Variants in KCNQ1 observed in about 807,000 individuals in gnomAD.
The protein encoded by KCNQ1 is potassium voltage-gated channel subfamily Q member 1, also known as potassium voltage-gated channel subfamily KQT member 1.
In KCNQ1, 49 loss-of-function variants were observed where a neutral mutation model predicts 72.4. The observed-to-expected ratio is 0.68, with a 90% CI of 0.54 to 0.86. The LOEUF (loss-of-function observed/expected upper bound fraction) is 0.86, where lower values mean the gene tolerates loss of function less well. Among genes scored for constraint, KCNQ1 ranks in the 40% least tolerant of loss-of-function variants. KCNQ1 has a pLI of 0.00. For missense variants in KCNQ1, 790 were observed against 945.1 expected (o/e 0.84, Z 2.15); for synonymous variants, 450 against 412.6 (o/e 1.09, Z -1.10).
rs920145316 is a variant in KCNQ1, at chr11:2,735,048, G to A, written c.1515-33796G>A. Reference sequence around the variant, plus strand: ...GGGCACACTAACAAGAGGCACATGTGCCAGGGAAGCCCTGCCTTGTCATCA... The same window carrying A: ...GGGCACACTAACAAGAGGCACATGTACCAGGGAAGCCCTGCCTTGTCATCA... On this transcript the variant is annotated intron_variant, in intron 11 of 15. Transcript: ENST00000155840. This position sits in a 1 kb window ranked among gnomAD's most constrained non-coding sequence, Gnocchi z 7.7. 1.3e-5 allele frequency among the ~76,000 whole-genome samples: 2 copies of A among 152,138 alleles called. No homozygotes were observed. Among genetic ancestry groups the A allele is most frequent in the Non-Finnish European group, 2.9e-5 (2 of 68,004 alleles).
At chr11:2,812,602 C>G (rs945254491) in intron 15 of KCNQ1, among the ~76,000 whole-genome samples, 1 of 152,208 alleles carries the variant, frequency 6.6e-6, no homozygotes, top group Middle Eastern at 3.2e-3. Flanking sequence ...TCCCGGCTTT[C>G]TCTCTCCCCC....
chr11:2,707,922 G>T (rs1397425943), intron 11 of KCNQ1, among the ~76,000 whole-genome samples: 1 of 152,210 alleles, frequency 6.6e-6, no homozygotes, highest in Non-Finnish European at 1.5e-5. Flanking sequence ...CCCACATTTG[G>T]CTTCTTGAGC....
rs1032095856 is a variant in KCNQ1, at chr11:2,703,663, G to A, written c.1514+41582G>A. Reference sequence around the variant, plus strand: ...AAGTGCAGATGGGGCCCAGAGCCCCGGCGGTGTCCCAGGGGAAACACCAGT... The same window carrying A: ...AAGTGCAGATGGGGCCCAGAGCCCCAGCGGTGTCCCAGGGGAAACACCAGT... On this transcript the variant is annotated intron_variant, in intron 11 of 15. Coordinates refer to ENST00000155840, the MANE Select transcript of KCNQ1 (RefSeq NM_000218.3). This position sits in a 1 kb window ranked among gnomAD's most constrained non-coding sequence, Gnocchi z 6.4. Among the ~76,000 whole-genome samples the A allele has an allele frequency of 1.6e-4, 24 of 152,120 alleles. No individual in the cohort carries two copies. Among genetic ancestry groups the A allele is most frequent in the African/African-American group, 5.6e-4 (23 of 41,420 alleles).
chr11:2,630,462 G>A (rs1229271689), intron 10 of KCNQ1: 2 of 398,072 alleles, frequency 5.0e-6, no homozygotes, highest in African/African-American at 2.1e-5. Context: ...TGTTTGGGGG[G>A]AATATTTTGA....
intron 11 of KCNQ1, chr11:2,693,319 C>T (rs1188829693): frequency 5.0e-6 from 2 of 398,656 alleles, no homozygotes; most frequent in Non-Finnish European, 8.8e-6. Context: ...GGCCTGGGCC[C>T]TCTCTCCCTG....
intron 11 of KCNQ1, among the ~76,000 whole-genome samples, chr11:2,722,165 G>A (rs577715197): frequency 6.6e-6 from 1 of 152,286 alleles, no homozygotes; most frequent in Admixed American, 6.5e-5. Context: ...CCTGAGCTTG[G>A]TGAGTCAGGG....
intron 10 of KCNQ1, chr11:2,609,716 T>A (rs1848947185): frequency 2.5e-6 from 1 of 398,388 alleles, no homozygotes; most frequent in Non-Finnish European, 4.4e-6. Flanking sequence ...GTTAGGTGAA[T>A]ATATGTTTAT....
chr11:2,811,074 C>G (rs1176712117), intron 15 of KCNQ1, among the ~76,000 whole-genome samples: 1 of 152,208 alleles, frequency 6.6e-6, no homozygotes, highest in Non-Finnish European at 1.5e-5. Flanking sequence ...ACAGCCCCGG[C>G]GAGACCCGGG....
chr11:2,685,347 T>G, intron 11 of KCNQ1: 1 of 398,582 alleles, frequency 2.5e-6, no homozygotes, highest in Non-Finnish European at 4.4e-6. Flanking sequence ...TCATGGAGGG[T>G]ACATGGGCAG....
At position 2,515,844 on chromosome 11, in the gene KCNQ1, G is replaced by T. The variant is rs1211814530; in HGVS notation, c.387-12084G>T. Among the ~76,000 whole-genome samples the T allele has an allele frequency of 1.3e-5, 2 of 152,002 alleles. No individual in the cohort carries two copies. The highest frequency in any genetic ancestry group is 2.9e-5 in the Non-Finnish European group (2 of 67,982). On this transcript the variant is annotated intron_variant, in intron 1 of 15. Transcript: ENST00000155840. The surrounding 1 kb of genome is among the most constrained non-coding windows in gnomAD (Gnocchi z 4.7). ...GCCCTGGGGGGCTTGTGCTCTGCCG[G>T]GCCACCTGCACCCTCCGGGCCCCAG...
Position 2,526,259 on chromosome 11 carries a change from A to G in KCNQ1, c.387-1669A>G, listed in dbSNP as rs1847503874. Among the ~76,000 whole-genome samples, 1 of 151,930 alleles carries G rather than the reference A, an allele frequency of 6.6e-6. No individual in the cohort carries two copies. Among genetic ancestry groups the G allele is most frequent in the Admixed American group, 6.6e-5 (1 of 15,250 alleles). The stretch of plus-strand genomic sequence containing the variant: ...GGGGGCGCCGAGGGTGGAGGTGGGC[A>G]CTGTGGTCAGGGGGAGATGAGGATG... On this transcript the variant is annotated intron_variant, in intron 1 of 15. Transcript: ENST00000155840. The surrounding 1 kb of genome is among the most constrained non-coding windows in gnomAD (Gnocchi z 6.1).
Position 2,735,201 on chromosome 11 carries a change from AG to A in KCNQ1, c.1515-33638del, listed in dbSNP as rs969519610. On this transcript the variant is annotated intron_variant, in intron 11 of 15. Coordinates refer to ENST00000155840, the MANE Select transcript of KCNQ1 (RefSeq NM_000218.3). The surrounding 1 kb of genome is among the most constrained non-coding windows in gnomAD (Gnocchi z 7.7). ...TGTGAGAGCCAGGGAAGGGCTGCTCAGGGGGCTCTCCTTGATGGTGACCCCC... is the reference window on the plus strand; with the variant it reads ...TGTGAGAGCCAGGGAAGGGCTGCTCAGGGGCTCTCCTTGATGGTGACCCCC... Among the ~76,000 whole-genome samples the A allele has an allele frequency of 1.3e-5, 2 of 152,158 alleles. No individual in the cohort carries two copies. The highest frequency in any genetic ancestry group is 2.9e-5 in the Non-Finnish European group (2 of 68,008).
chr11:2,507,050 C>T lies in KCNQ1; in HGVS notation c.387-20878C>T, dbSNP rs967272295. On this transcript the variant is annotated intron_variant, in intron 1 of 15. Coordinates refer to ENST00000155840, the MANE Select transcript of KCNQ1 (RefSeq NM_000218.3). This position sits in a 1 kb window ranked among gnomAD's most constrained non-coding sequence, Gnocchi z 5.4. Reference sequence around the variant, plus strand: ...GTGCTTTTTGCTATGAGAAATTTCGCATGTTTATATCATCAAATTTATCAT... The same window carrying T: ...GTGCTTTTTGCTATGAGAAATTTCGTATGTTTATATCATCAAATTTATCAT... Among the ~76,000 whole-genome samples, 1 of 152,168 alleles carries T rather than the reference C, an allele frequency of 6.6e-6. No homozygotes were observed. The highest frequency in any genetic ancestry group is 1.5e-5 in the Non-Finnish European group (1 of 68,034).
intron 11 of KCNQ1, chr11:2,675,347 G>T: frequency 2.5e-6 from 1 of 398,534 alleles, no homozygotes; most frequent in Non-Finnish European, 4.4e-6. Context: ...TTTTTTTAAT[G>T]AGTTTAAAAC....
At chr11:2,614,564 G>A (rs1849030263) in intron 10 of KCNQ1, 1 of 398,362 alleles carries the variant, frequency 2.5e-6, no homozygotes, top group Non-Finnish European at 4.4e-6. Flanking sequence ...TATATGCTAT[G>A]AGTTATGGGT....
Position 2,674,118 on chromosome 11 carries a change from G to A in KCNQ1, c.1514+12037G>A, listed in dbSNP as rs1368733320. On this transcript the variant is annotated intron_variant, in intron 11 of 15. Transcript: ENST00000155840. This position sits in a 1 kb window ranked among gnomAD's most constrained non-coding sequence, Gnocchi z 5.9. ...CGGTGGGGAGGGAGGTGTGGAAGCT[G>A]GTTTGCCGGGGCCACCCAGTGTGGG... 1 of 398,596 alleles carries A rather than the reference G, an allele frequency of 2.5e-6. No homozygotes were observed. The highest frequency in any genetic ancestry group is 4.4e-6 in the Non-Finnish European group (1 of 226,172). 24.7% of individuals were successfully genotyped at this position (398,596 alleles called of 1,614,324 possible).
At chr11:2,532,675 C>G (rs1847661098) in intron 2 of KCNQ1, among the ~76,000 whole-genome samples, 1 of 152,134 alleles carries the variant, frequency 6.6e-6, no homozygotes, top group African/African-American at 2.4e-5. Flanking sequence ...AGGAGGTAAG[C>G]TGGTGCTGGC....
intron 12 of KCNQ1, among the ~76,000 whole-genome samples, chr11:2,774,048 C>G (rs1846649563): frequency 6.6e-6 from 1 of 151,982 alleles, no homozygotes; most frequent in Non-Finnish European, 1.5e-5. Context: ...AATTAAGACT[C>G]AACATCCCAT....
In KCNQ1 at chr11:2,817,184, G is replaced by A. The variant is rs962808238; in HGVS notation, c.1795-30583G>A. Reference sequence around the variant, plus strand: ...CACGCTCCTTTCAAGGGTTAACGGTGCAAGCTCCTCACGGCACCAGTGCGC... The same window carrying A: ...CACGCTCCTTTCAAGGGTTAACGGTACAAGCTCCTCACGGCACCAGTGCGC... On this transcript the variant is annotated intron_variant, in intron 15 of 15. Coordinates refer to ENST00000155840, the MANE Select transcript of KCNQ1 (RefSeq NM_000218.3). The surrounding 1 kb of genome is among the most constrained non-coding windows in gnomAD (Gnocchi z 6.1). Among the ~76,000 whole-genome samples, 4 of 152,230 alleles carry A rather than the reference G, an allele frequency of 2.6e-5. No homozygotes were observed. The highest frequency in any genetic ancestry group is 2.0e-4 in the Admixed American group (3 of 15,292).
Sources: gnomAD v4.1 joint callset for allele counts (sites outside exome capture counted in the v4.1 genomes callset) on GRCh38, gnomAD v4.1.1 for gene constraint, Gnocchi (gnomAD v3.1) non-coding constraint, MANE v1.5 for transcripts, NCBI Gene and HGNC (gene_info 2026-07-23, HGNC 2026-07-21) for gene names.